Variants in CNTNAP2 observed in about 807,000 individuals in gnomAD.
CNTNAP2 encodes contactin associated protein 2, also known as contactin-associated protein-like 2.
CNTNAP2 carries 98 observed loss-of-function variants against 155.2 expected under a neutral mutation model. That is an observed-to-expected ratio of 0.63 (90% CI 0.54 to 0.75). CNTNAP2 has a LOEUF of 0.75. Among genes scored for constraint, CNTNAP2 ranks in the 30% least tolerant of loss-of-function variants. The probability of loss-of-function intolerance (pLI) is 0.00; values close to 1 mark genes in which losing one functional copy is unlikely to be tolerated. For missense variants in CNTNAP2, 1,727 were observed against 1,688.1 expected (o/e 1.02, Z -0.40); for synonymous variants, 651 against 631.2 (o/e 1.03, Z -0.47).
chr7:147,305,558 G>A (rs781183640), intron 9 of CNTNAP2, among the ~76,000 whole-genome samples: 3 of 152,226 alleles, frequency 2.0e-5, no homozygotes, highest in South Asian at 4.2e-4. Flanking sequence ...TGTACCAACA[G>A]GAAATCTATT....
At chr7:148,043,493 G>A (rs1019745186) in intron 15 of CNTNAP2, among the ~76,000 whole-genome samples, 1 of 152,142 alleles carries the variant, frequency 6.6e-6, no homozygotes, top group African/African-American at 2.4e-5. Flanking sequence ...ACTGAGTTAT[G>A]GAAAAATCAT....
intron 3 of CNTNAP2, among the ~76,000 whole-genome samples, chr7:146,868,958 C>A (rs918796428): frequency 6.6e-6 from 1 of 152,142 alleles, no homozygotes; most frequent in Non-Finnish European, 1.5e-5. Flanking sequence ...ATGTCACCTG[C>A]AAACAGAGAT....
intron 1 of CNTNAP2, among the ~76,000 whole-genome samples, chr7:146,444,726 C>T (rs550577327): frequency 5.3e-5 from 8 of 150,890 alleles, no homozygotes; most frequent in East Asian, 2.0e-4. Flanking sequence ...GGCATGATCT[C>T]GGCTCACTGC....
intron 1 of CNTNAP2, among the ~76,000 whole-genome samples, chr7:146,399,806 G>A (rs183497543): frequency 3.2e-4 from 48 of 152,106 alleles, no homozygotes; most frequent in Middle Eastern, 3.4e-3. Flanking sequence ...GCTCCCCACC[G>A]CCCTTGCCAC....
intron 1 of CNTNAP2, among the ~76,000 whole-genome samples, chr7:146,324,191 G>A (rs1801055649): frequency 6.6e-6 from 1 of 152,286 alleles, no homozygotes; most frequent in Middle Eastern, 3.4e-3. Flanking sequence ...GAACCCAGGA[G>A]GGGGAGGTTG....
chr7:147,743,997 T>A (rs897659609), intron 13 of CNTNAP2, among the ~76,000 whole-genome samples: 2 of 152,222 alleles, frequency 1.3e-5, no homozygotes, highest in Non-Finnish European at 2.9e-5. Flanking sequence ...TTCTCCTTAT[T>A]TGAAAAATTA....
intron 1 of CNTNAP2, among the ~76,000 whole-genome samples, chr7:146,761,527 T>G (rs1435640622): frequency 1.3e-5 from 2 of 152,170 alleles, no homozygotes; most frequent in Non-Finnish European, 2.9e-5. Context: ...TTGCTGTTTT[T>G]AAGTTTGTTT....
chr7:146,451,784 G>C (rs1796483528), intron 1 of CNTNAP2, among the ~76,000 whole-genome samples: 1 of 113,864 alleles, frequency 8.8e-6, no homozygotes, highest in Non-Finnish European at 1.8e-5. Flanking sequence ...GCTATAGAAG[G>C]AATAAGAAGA....
intron 9 of CNTNAP2, among the ~76,000 whole-genome samples, chr7:147,318,400 C>A (rs1795278012): frequency 6.6e-6 from 1 of 152,162 alleles, no homozygotes; most frequent in Non-Finnish European, 1.5e-5. Flanking sequence ...TGCCACTGCA[C>A]TCCAGCCTGG....
chr7:146,245,274 T>C (rs951077772), intron 1 of CNTNAP2, among the ~76,000 whole-genome samples: 1 of 151,988 alleles, frequency 6.6e-6, no homozygotes, highest in African/African-American at 2.4e-5. Context: ...CAGATTGAAG[T>C]CCGGGCCAGG....
intron 1 of CNTNAP2, among the ~76,000 whole-genome samples, chr7:146,607,032 A>G (rs1799059399): frequency 6.6e-6 from 1 of 152,204 alleles, no homozygotes; most frequent in Admixed American, 6.5e-5. Context: ...TAAATACACA[A>G]TACTATTTAT....
chr7:146,948,764 C>T (rs917682493), intron 3 of CNTNAP2, among the ~76,000 whole-genome samples: 4 of 152,142 alleles, frequency 2.6e-5, no homozygotes, highest in Admixed American at 6.5e-5. Flanking sequence ...AAGCATTCTC[C>T]ACAAATTAAC....
chr7:147,435,639 T>C (rs1319318111), intron 10 of CNTNAP2, among the ~76,000 whole-genome samples: 1 of 152,218 alleles, frequency 6.6e-6, no homozygotes, highest in African/African-American at 2.4e-5. Context: ...CTAATGTTTA[T>C]AGGCTGCAAG....
At chr7:146,786,861 AT>A (rs1802582594) in intron 2 of CNTNAP2, 3 of 152,302 alleles carry the variant, frequency 2.0e-5, no homozygotes, top group African/African-American at 7.2e-5. Flanking sequence ...CTGCTTTAAA[AT>A]TGATAGACAA....
chr7:148,092,887 AAAAAAAAAAAAAC>A (rs1051725671), intron 15 of CNTNAP2, among the ~76,000 whole-genome samples: 77 of 151,448 alleles, frequency 5.1e-4, no homozygotes, highest in Non-Finnish European at 9.7e-4. Context: ...TTTAAAAAAA[AAAAAAAAAAAAAC>A]AACCACAAAG....
chr7:146,603,213 C>T (rs1399429729), intron 1 of CNTNAP2, among the ~76,000 whole-genome samples: 2 of 151,182 alleles, frequency 1.3e-5, no homozygotes, highest in Non-Finnish European at 2.9e-5. Flanking sequence ...GAGATCGAGA[C>T]CATCCTGGCT....
intron 16 of CNTNAP2, among the ~76,000 whole-genome samples, chr7:148,125,328 G>A (rs78156579): frequency 2.3e-4 from 35 of 152,012 alleles, no homozygotes; most frequent in Admixed American, 1.5e-3. Flanking sequence ...TGCATGTCAC[G>A]GGGATTTGAT....
intron 2 of CNTNAP2, among the ~76,000 whole-genome samples, chr7:146,789,896 A>G (rs1585091459): frequency 1.3e-5 from 2 of 150,426 alleles, no homozygotes; most frequent in African/African-American, 4.9e-5. Context: ...GAGGCCTACT[A>G]GATATGCCGT....
chr7:146,553,870 A>G (rs989382676), intron 1 of CNTNAP2, among the ~76,000 whole-genome samples: 3 of 152,126 alleles, frequency 2.0e-5, no homozygotes, highest in Non-Finnish European at 4.4e-5. Context: ...TGACCGGCAT[A>G]GTTTTCCACA....
Sources: gnomAD v4.1 joint callset for allele counts (sites outside exome capture counted in the v4.1 genomes callset) on GRCh38, gnomAD v4.1.1 for gene constraint, MANE v1.5 for transcripts, NCBI Gene and HGNC (gene_info 2026-07-23, HGNC 2026-07-21) for gene names.